Variants in PLG observed in about 807,000 individuals in gnomAD.
The protein encoded by PLG is plasmin.
In PLG, 41 loss-of-function variants were observed where a neutral mutation model predicts 104.4. The ratio of observed to expected loss-of-function variants is 0.39; its 90% CI spans 0.31 to 0.51. PLG has a LOEUF of 0.51. PLG is among the 20% of genes least tolerant of loss of function. The pLI is 0.76. For synonymous variants in PLG, 337 were observed against 357.1 expected (o/e 0.94, Z 0.63); for missense variants, 891 against 1,003.6 (o/e 0.89, Z 1.52).
At chr6:160,722,367 T>C (rs1301395883) in intron 9 of PLG, 41 bp from the exon 10 acceptor site, 1 of 1,515,786 alleles carries the variant, frequency 6.6e-7, no homozygotes, top group Non-Finnish European at 9.2e-7. Context: ...TTCTTTTTTT[T>C]CAGTAATTGT....
chr6:160,731,152 A>G lies in PLG; in HGVS notation c.1358A>G (p.Lys453Arg). 6.2e-7 allele frequency: 1 copy of G among 1,614,054 alleles called. No homozygotes were observed. The highest frequency in any genetic ancestry group is 8.5e-7 in the Non-Finnish European group (1 of 1,179,974). ...SVRWEYCNLKKCSGTEASVVA... is the reference protein window; with the variant it reads ...SVRWEYCNLKRCSGTEASVVA... Reference sequence around the variant, plus strand: ...AGGTGGGAGTACTGCAACCTGAAAAAATGCTCAGGAACAGAAGCGAGTGTT... The same window carrying G: ...AGGTGGGAGTACTGCAACCTGAAAAGATGCTCAGGAACAGAAGCGAGTGTT... Residue 453 changes from lysine (K) to arginine (R), a missense_variant, in exon 11 of 19, where the codon AAA (lysine) becomes AGA (arginine). Around this residue, in one of 2 missense-constraint regions of PLG, gnomAD observed 854 missense variants for 932.1 expected, o/e 0.92. Coordinates refer to ENST00000308192, the MANE Select transcript of PLG (RefSeq NM_000301.5). The surrounding 1 kb of genome is among the most constrained non-coding windows in gnomAD (Gnocchi z 5.1).
chr6:160,711,141 A>T lies in PLG; in HGVS notation c.357A>T (p.Lys119Asn), dbSNP rs377275189. The change falls in exon 4 of 19, where the codon AAA becomes AAT. Residue 119 changes from lysine to asparagine, a missense_variant. Lys to Asn is a moderately conservative substitution (Grantham distance 94, BLOSUM62 0). Around this residue, in one of 2 missense-constraint regions of PLG, gnomAD observed 854 missense variants for 932.1 expected, o/e 0.92. Coordinates refer to ENST00000308192, the MANE Select transcript of PLG (RefSeq NM_000301.5). ...ACAGAGGGACGATGTCCAAAACAAAAAATGGCATCACCTGTCAAAAATGGA... is the reference window on the plus strand; with the variant it reads ...ACAGAGGGACGATGTCCAAAACAAATAATGGCATCACCTGTCAAAAATGGA... ...KNYRGTMSKTKNGITCQKWSS... is the reference protein window; with the variant it reads ...KNYRGTMSKTNNGITCQKWSS... 249 of 1,612,060 alleles carry T rather than the reference A, an allele frequency of 1.5e-4. No individual in the cohort carries two copies. The highest frequency in any genetic ancestry group is 2.0e-4 in the Non-Finnish European group (233 of 1,178,284).
At chr6:160,721,462 C>T (rs1777826091) in intron 9 of PLG, among the ~76,000 whole-genome samples, 1 of 152,176 alleles carries the variant, frequency 6.6e-6, no homozygotes, top group Non-Finnish European at 1.5e-5. Context: ...CTTAAGTGCA[C>T]CACAGATATA....
Position 160,741,328 on chromosome 6 carries a change from A to G in PLG, c.2036A>G (p.Asp679Gly), listed in dbSNP as rs1286073994. The G allele has an allele frequency of 3.1e-6, 5 of 1,608,772 alleles. No individual in the cohort carries two copies. The highest frequency in any genetic ancestry group is 3.4e-6 in the Non-Finnish European group (4 of 1,175,048). Residue 679 changes from aspartate (D) to glycine (G), a missense_variant, in exon 17 of 19, where the codon GAC becomes GGC. Coordinates refer to ENST00000308192, the MANE Select transcript of PLG (RefSeq NM_000301.5). The surrounding 1 kb of genome is among the most constrained non-coding windows in gnomAD (Gnocchi z 4.7). ...LKLSSPAVIT[D>G]KVIPACLPSP... ...TCTTTCAGTCCTGCCGTCATCACTG[A>G]CAAAGTAATCCCAGCTTGTCTGCCA...
At position 160,744,941 on chromosome 6, in the gene PLG, G is replaced by C. The variant is rs936469701; in HGVS notation, c.2125+3524G>C. Among the ~76,000 whole-genome samples the C allele has an allele frequency of 6.6e-6, 1 of 152,096 alleles. No individual in the cohort carries two copies. The highest frequency in any genetic ancestry group is 2.4e-5 in the African/African-American group (1 of 41,432). On this transcript the variant is annotated intron_variant, in intron 17 of 18. Transcript: ENST00000308192. The surrounding 1 kb of genome is among the most constrained non-coding windows in gnomAD (Gnocchi z 4.5). ...AAAGTCATTCAGGAGCATGTTGTTT[G>C]ATTTCCATGTAATTGTACGGTTTTG... is the stretch of plus-strand genomic sequence containing the variant.
chr6:160,739,847 T>A lies in PLG; in HGVS notation c.2018+639T>A, dbSNP rs1778159311. Among the ~76,000 whole-genome samples, 1 of 151,716 alleles carries A rather than the reference T, an allele frequency of 6.6e-6. No homozygotes were observed. The highest frequency in any genetic ancestry group is 2.1e-4 in the South Asian group (1 of 4,806). On this transcript the variant is annotated intron_variant, in intron 16 of 18. Transcript: ENST00000308192. This position sits in a 1 kb window ranked among gnomAD's most constrained non-coding sequence, Gnocchi z 4.4. ...AAAAATCACAAATACAGTTTATAAA[T>A]GTAAATTATATTATTATTATTGTCT...
In PLG at chr6:160,754,058, CTG is replaced by C. The variant is rs1562385724; in HGVS notation, c.*1001_*1002del. ...AATGTAGTCTCAAATCCTCAAAGAG[CTG>C]TGTTTATTTCATTGACAAATAGATT... is the stretch of plus-strand genomic sequence containing the variant. On this transcript the variant is annotated 3_prime_UTR_variant, in exon 19 of 19. Transcript: ENST00000308192. This position sits in a 1 kb window ranked among gnomAD's most constrained non-coding sequence, Gnocchi z 4.9. 6.6e-6 allele frequency among the ~76,000 whole-genome samples: 1 copy of C among 152,240 alleles called. No homozygotes were observed. Among genetic ancestry groups the C allele is most frequent in the African/African-American group, 2.4e-5 (1 of 41,464 alleles).
At chr6:160,708,597 A>G (rs1333418482) in intron 3 of PLG, 3 of 152,268 alleles carry the variant, frequency 2.0e-5, no homozygotes, top group Non-Finnish European at 4.4e-5. Flanking sequence ...GTTGGTAGCC[A>G]GGTATTAAGA....
chr6:160,750,059 T>G (rs369146622), intron 17 of PLG, among the ~76,000 whole-genome samples: 181 of 152,300 alleles, frequency 1.2e-3, no homozygotes, highest in African/African-American at 4.1e-3. Flanking sequence ...GCTCCTCAAT[T>G]TTCTACATGT....
In PLG at chr6:160,734,999, G is replaced by A. The variant is rs200166896; in HGVS notation, c.1681+911G>A. On this transcript the variant is annotated intron_variant, in intron 13 of 18. Transcript: ENST00000308192. This position sits in a 1 kb window ranked among gnomAD's most constrained non-coding sequence, Gnocchi z 4.4. The stretch of plus-strand genomic sequence containing the variant: ...GTACAGGGCAGTGATGAAGATCATG[G>A]GAGCCACACTGCCCAGCTTCGCATT... Among the ~76,000 whole-genome samples, 1 of 146,362 alleles carries A rather than the reference G, an allele frequency of 6.8e-6. No individual in the cohort carries two copies. The highest frequency in any genetic ancestry group is 1.9e-4 in the East Asian group (1 of 5,192).
chr6:160,743,037 A>T (rs1324824184), intron 17 of PLG, among the ~76,000 whole-genome samples: 1 of 139,874 alleles, frequency 7.1e-6, no homozygotes. Flanking sequence ...TTTTACCAGT[A>T]CCATGCTGTT....
intron 17 of PLG, among the ~76,000 whole-genome samples, chr6:160,751,612 T>G (rs1778401293): frequency 6.6e-6 from 1 of 152,216 alleles, no homozygotes; most frequent in Non-Finnish European, 1.5e-5. Flanking sequence ...CAGAACATTT[T>G]CCTCATTCCC....
Position 160,723,287 on chromosome 6 carries a change from G to A in PLG, c.1256+720G>A, listed in dbSNP as rs554177051. Among the ~76,000 whole-genome samples the A allele has an allele frequency of 6.6e-6, 1 of 152,210 alleles. No homozygotes were observed. Among genetic ancestry groups the A allele is most frequent in the South Asian group, 2.1e-4 (1 of 4,818 alleles). ...AACAAAAGCAGGATACGCAGATGCT[G>A]AACAGCGAAAGAGGCCATTAGATGA... On this transcript the variant is annotated intron_variant, in intron 10 of 18. Transcript: ENST00000308192. This position sits in a 1 kb window ranked among gnomAD's most constrained non-coding sequence, Gnocchi z 4.7.
At chr6:160,718,491 A>C in intron 8 of PLG, 35 bp downstream of exon 8, 1 of 1,557,730 alleles carries the variant, frequency 6.4e-7, no homozygotes, top group Non-Finnish European at 8.9e-7. Context: ...GCTGCTATGG[A>C]ATGTGAAATC....
At chr6:160,742,095 T>C (rs1217801707) in intron 17 of PLG, among the ~76,000 whole-genome samples, 1 of 152,248 alleles carries the variant, frequency 6.6e-6, no homozygotes, top group Non-Finnish European at 1.5e-5. Flanking sequence ...ATGTCTTTGC[T>C]ACTGTGAATA....
In PLG at chr6:160,738,454, T is replaced by C; in HGVS notation, c.1803-84T>C. 1 of 868,938 alleles carries C rather than the reference T, an allele frequency of 1.2e-6. No individual in the cohort carries two copies. The highest frequency in any genetic ancestry group is 2.0e-6 in the Non-Finnish European group (1 of 500,666). 53.8% of individuals were successfully genotyped at this position (868,938 alleles called of 1,614,324 possible). A position where few individuals can be genotyped will look rare whatever the true frequency, so the allele number is the denominator to read the frequency against. On this transcript the variant is annotated intron_variant, in intron 14 of 18. Coordinates refer to ENST00000308192, the MANE Select transcript of PLG (RefSeq NM_000301.5). This position sits in a 1 kb window ranked among gnomAD's most constrained non-coding sequence, Gnocchi z 6.8. Reference sequence around the variant, plus strand: ...GAATATGAACATGGTCAAAATTAAGTGAACGTGTCTTTCTGGCTTTCTGTA... The same window carrying C: ...GAATATGAACATGGTCAAAATTAAGCGAACGTGTCTTTCTGGCTTTCTGTA...
chr6:160,741,301 T>C lies in PLG; in HGVS notation c.2019-10T>C. ...GCAGTCAAACATAACTGCTGATGCT[T>C]TTCTTTCAGTCCTGCCGTCATCACT... On this transcript the variant is annotated splice_polypyrimidine_tract_variant and intron_variant, in intron 16 of 18. Transcript: ENST00000308192. The surrounding 1 kb of genome is among the most constrained non-coding windows in gnomAD (Gnocchi z 4.7). 1 of 1,544,898 alleles carries C rather than the reference T, an allele frequency of 6.5e-7. No individual in the cohort carries two copies. Among genetic ancestry groups the C allele is most frequent in the Non-Finnish European group, 9.0e-7 (1 of 1,116,972 alleles).
rs1314782544 is a variant in PLG, at chr6:160,715,407, G to A, written c.668+493G>A. ...CGTCATGGATTTTTGAATCCCTGAT[G>A]TTTTATGTATATTTACATCAATGTG... On this transcript the variant is annotated intron_variant, in intron 6 of 18. Coordinates refer to ENST00000308192, the MANE Select transcript of PLG (RefSeq NM_000301.5). Among the ~76,000 whole-genome samples, 5 of 152,138 alleles carry A rather than the reference G, an allele frequency of 3.3e-5. No homozygotes were observed. The East Asian group carries it at 9.6e-4, about 29-fold the overall frequency.
intron 6 of PLG, among the ~76,000 whole-genome samples, chr6:160,716,066 T>G (rs1360193333): frequency 6.6e-6 from 1 of 152,226 alleles, no homozygotes; most frequent in Non-Finnish European, 1.5e-5. Flanking sequence ...TCAAGGCTGG[T>G]GGGAGCAGAG....
Sources: allele counts gnomAD v4.1 joint callset (sites outside exome capture counted in the v4.1 genomes callset), GRCh38; gene constraint gnomAD v4.1.1; regional missense constraint gnomAD v4.1.1; non-coding constraint Gnocchi (gnomAD v3.1); transcripts MANE v1.5; gene names NCBI Gene and HGNC (gene_info 2026-07-23, HGNC 2026-07-21).